The following UBAP2 variants were observed in gnomAD, a reference collection of about 807,000 sequenced individuals.
UBAP2 encodes the protein ubiquitin associated protein 2, also known as ubiquitin-associated protein 2.
In UBAP2, 75 loss-of-function variants were observed where a neutral mutation model predicts 139.6. That is an observed-to-expected ratio of 0.54 (90% CI 0.45 to 0.65). The LOEUF is 0.65. Among genes scored for constraint, UBAP2 ranks in the 30% least tolerant of loss-of-function variants. The pLI is 0.00. For missense variants in UBAP2, 1,368 were observed against 1,369.6 expected (o/e 1.00, Z 0.02); for synonymous variants, 526 against 526.2 (o/e 1.00, Z 0.01).
At chr9:33,965,096 C>G (rs181599702) in intron 8 of UBAP2, among the ~76,000 whole-genome samples, 1 of 152,148 alleles carries the variant, frequency 6.6e-6, no homozygotes, top group African/African-American at 2.4e-5. Flanking sequence ...AACTTTTTAT[C>G]TTAAAATAAT....
intron 1 of UBAP2, among the ~76,000 whole-genome samples, chr9:34,038,552 C>T (rs112825166): frequency 0.012 from 1,784 of 152,288 alleles, 35 homozygotes; most frequent in African/African-American, 0.04. Flanking sequence ...CCTGAGGTGC[C>T]GGGATTGCAG....
intron 1 of UBAP2, among the ~76,000 whole-genome samples, chr9:34,033,027 C>T (rs965975365): frequency 6.6e-6 from 1 of 151,930 alleles, no homozygotes; most frequent in African/African-American, 2.4e-5. Context: ...GTACTCAACA[C>T]ACAGTACAAC....
intron 2 of UBAP2, among the ~76,000 whole-genome samples, chr9:34,012,526 C>G (rs1172646562): frequency 3.5e-5 from 1 of 28,414 alleles, no homozygotes; most frequent in Non-Finnish European, 8.9e-5. Context: ...GTAAAACTGT[C>G]TCAAAAAAAA....
intron 6 of UBAP2, among the ~76,000 whole-genome samples, chr9:33,982,094 T>C (rs774264079): frequency 1.2e-4 from 19 of 152,054 alleles, no homozygotes; most frequent in Non-Finnish European, 1.9e-4. Flanking sequence ...CTCCTTGCAG[T>C]TGCTTTTTAC....
intron 13 of UBAP2, among the ~76,000 whole-genome samples, chr9:33,945,491 G>GACAAACAA (rs10627941): frequency 3.3e-5 from 5 of 150,596 alleles, no homozygotes; most frequent in African/African-American, 1.2e-4. Context: ...CAGACTGGGT[G>GACAAACAA]ACAAACAAAC....
intron 13 of UBAP2, among the ~76,000 whole-genome samples, chr9:33,945,502 A>AAACG (rs1395170810): frequency 1.3e-4 from 19 of 151,934 alleles, no homozygotes; most frequent in Admixed American, 1.2e-3. Flanking sequence ...ACAAACAAAC[A>AAACG]AACAAAAAAC....
intron 13 of UBAP2, among the ~76,000 whole-genome samples, chr9:33,946,907 T>C (rs925815741): frequency 3.9e-5 from 6 of 152,164 alleles, no homozygotes; most frequent in Non-Finnish European, 7.3e-5. Context: ...CAAAAAGGCC[T>C]GCTTGATGAC....
At chr9:34,023,310 G>GC (rs1825124056) in intron 1 of UBAP2, among the ~76,000 whole-genome samples, 1 of 151,822 alleles carries the variant, frequency 6.6e-6, no homozygotes, top group Non-Finnish European at 1.5e-5. Flanking sequence ...ATAAAAATCT[G>GC]CATGTACAGA....
rs114420687 is a variant in UBAP2, at chr9:33,926,413, G to A, written c.2511+204C>T. 5.3e-3 allele frequency among the ~76,000 whole-genome samples: 812 copies of A among 152,310 alleles called. 9 individuals are homozygous for A. The highest frequency in any genetic ancestry group is 0.018 in the African/African-American group (766 of 41,554). On this transcript the variant is annotated intron_variant, in intron 22 of 28. Transcript: ENST00000379238. ...CCCAAAGGCCTTCATGTTTCCCAGG[G>A]ATGAGCACTGGATACTCTGTGCTAA...
intron 1 of UBAP2, among the ~76,000 whole-genome samples, chr9:34,034,258 C>T (rs1826133383): frequency 6.6e-6 from 1 of 152,178 alleles, no homozygotes; most frequent in Non-Finnish European, 1.5e-5. Flanking sequence ...TGATTTAATA[C>T]TTCAGAAGTT....
Position 34,035,514 on chromosome 9 carries a change from A to AAAAAAAAAAAAAATATATAT in UBAP2, c.-42+13310_-42+13311insATATATATTTTTTTTTTTTT. Among the ~76,000 whole-genome samples, 14 of 22,486 alleles carry AAAAAAAAAAAAAATATATAT rather than the reference A, an allele frequency of 6.2e-4. 1 individual carries two copies. Among genetic ancestry groups the AAAAAAAAAAAAAATATATAT allele is most frequent in the African/African-American group, 1.7e-3 (13 of 7,850 alleles). The allele number at this position is 22,486 out of a possible 152,430, so 14.8% of individuals were successfully genotyped here. A position where few individuals can be genotyped will look rare whatever the true frequency, so the allele number is the denominator to read the frequency against. On this transcript the variant is annotated intron_variant, in intron 1 of 28. Coordinates refer to ENST00000379238, the MANE Select transcript of UBAP2 (RefSeq NM_001370062.2). ...GAGACTCCATCTAAAAAAAAAAAAAAATATATATATATAAAGATTAGCCAG... is the reference window on the plus strand; with the variant it reads ...GAGACTCCATCTAAAAAAAAAAAAAAAAAAAAAAAAAAATATATATATATATATATATAAAGATTAGCCAG...
chr9:33,948,291 C>T (rs1825810054), intron 13 of UBAP2, 83 bp downstream of exon 13: 1 of 1,250,776 alleles, frequency 8.0e-7, no homozygotes, highest in South Asian at 2.1e-5. Context: ...ACAAATTCCA[C>T]ATTAGTCTTC....
intron 12 of UBAP2, among the ~76,000 whole-genome samples, chr9:33,951,596 C>T (rs905762308): frequency 6.6e-6 from 1 of 152,108 alleles, no homozygotes; most frequent in South Asian, 2.1e-4. Flanking sequence ...ATCCACCCAC[C>T]TCGGCCTCCC....
chr9:34,044,229 G>A (rs1827362154), intron 1 of UBAP2, among the ~76,000 whole-genome samples: 1 of 151,572 alleles, frequency 6.6e-6, no homozygotes, highest in Non-Finnish European at 1.5e-5. Context: ...GTGAAACCTT[G>A]TCTCTACTAA....
intron 1 of UBAP2, among the ~76,000 whole-genome samples, chr9:34,034,987 T>C (rs1170036105): frequency 1.3e-5 from 2 of 152,146 alleles, no homozygotes; most frequent in East Asian, 3.8e-4. Context: ...AAACTTCATG[T>C]TCTATCTTGT....
At chr9:33,925,712 A>G (rs1372163749) in intron 22 of UBAP2, among the ~76,000 whole-genome samples, 1 of 152,208 alleles carries the variant, frequency 6.6e-6, no homozygotes, top group African/African-American at 2.4e-5. Context: ...CTTCTGAAAC[A>G]AGAGCAGCTC....
At chr9:34,032,123 C>T (rs1336571573) in intron 1 of UBAP2, among the ~76,000 whole-genome samples, 2 of 152,108 alleles carry the variant, frequency 1.3e-5, no homozygotes, top group African/African-American at 4.8e-5. Flanking sequence ...TAGCATGACC[C>T]TATAGCACCA....
chr9:33,984,139 A>C (rs1383734601), intron 6 of UBAP2, among the ~76,000 whole-genome samples: 1 of 151,966 alleles, frequency 6.6e-6, no homozygotes, highest in African/African-American at 2.4e-5. Flanking sequence ...ACTAATGTCA[A>C]GTGATCTGCC....
chr9:33,968,131 C>A, intron 8 of UBAP2: 1 of 547,554 alleles, frequency 1.8e-6, no homozygotes. Context: ...TAAAAAAACT[C>A]AACAGGACAC....
Sources: allele counts gnomAD v4.1 joint callset (sites outside exome capture counted in the v4.1 genomes callset), GRCh38; gene constraint gnomAD v4.1.1; transcripts MANE v1.5; gene names NCBI Gene and HGNC (gene_info 2026-07-23, HGNC 2026-07-21).